CLK3: variants seen among roughly 807,000 people sequenced by gnomAD.
The protein encoded by CLK3 is dual specificity protein kinase CLK3.
In CLK3, 24 loss-of-function variants were observed where a neutral mutation model predicts 65.2. The ratio of observed to expected loss-of-function variants is 0.37; its 90% CI spans 0.27 to 0.52. The LOEUF (loss-of-function observed/expected upper bound fraction) is 0.52, where lower values mean the gene tolerates loss of function less well. Among genes scored for constraint, CLK3 ranks in the 20% least tolerant of loss-of-function variants. CLK3 has a pLI of 0.92. For missense variants in CLK3, 506 were observed against 660.0 expected (o/e 0.77, Z 2.56); for synonymous variants, 252 against 240.8 (o/e 1.05, Z -0.43).
chr15:74,622,983 G>C lies in CLK3; in HGVS notation c.533+423G>C, dbSNP rs2062115383. Among the ~76,000 whole-genome samples the C allele has an allele frequency of 6.6e-6, 1 of 152,196 alleles. No individual in the cohort carries two copies. Among genetic ancestry groups the C allele is most frequent in the Admixed American group, 6.5e-5 (1 of 15,284 alleles). The stretch of plus-strand genomic sequence containing the variant: ...CATAAGTCCCATTCCCTGAGGGTCT[G>C]CCTGAGAGGCTGTGCAGATCTCAGT... On this transcript the variant is annotated intron_variant, in intron 5 of 12. Coordinates refer to ENST00000395066, the MANE Select transcript of CLK3 (RefSeq NM_001130028.2). The surrounding 1 kb of genome is among the most constrained non-coding windows in gnomAD (Gnocchi z 4.6).
chr15:74,616,348 G>C (rs1489190409), intron 1 of CLK3, among the ~76,000 whole-genome samples: 3 of 152,262 alleles, frequency 2.0e-5, no homozygotes, highest in Non-Finnish European at 4.4e-5. Flanking sequence ...CGCCACTGGT[G>C]GCGGTTACAG....
Position 74,625,795 on chromosome 15 carries a change from C to T in CLK3, c.651-7C>T, listed in dbSNP as rs992872372. The T allele has an allele frequency of 7.4e-6, 12 of 1,614,126 alleles. No homozygotes were observed. In the East Asian group the frequency reaches 8.9e-5, roughly 12 times the overall value. On this transcript the variant is annotated splice_region_variant and splice_polypyrimidine_tract_variant and intron_variant, in intron 6 of 12. Transcript: ENST00000395066. The stretch of plus-strand genomic sequence containing the variant: ...CAGCCTGAGCCCTGCCCATCCTCCT[C>T]CTCCAGCCTGTGTGTCTTGATGTCT...
Position 74,625,901 on chromosome 15 carries a change from T to C in CLK3, c.750T>C (p.Asn250=). ...ACACCTTTGAGTTCCTGAAGGAGAA[T>C]AACTTCCAGCCTTACCCCCTACCAC... The part of the protein sequence containing the change: ...GKNTFEFLKE[N]NFQPYPLPHV... Residue 250 remains asparagine (N), a synonymous_variant, in exon 7 of 13, where the codon AAT becomes AAC. Coordinates refer to ENST00000395066, the MANE Select transcript of CLK3 (RefSeq NM_001130028.2). The C allele has an allele frequency of 2.5e-6, 4 of 1,614,168 alleles. No individual in the cohort carries two copies. The highest frequency in any genetic ancestry group is 3.4e-6 in the Non-Finnish European group (4 of 1,180,026).
Position 74,627,413 on chromosome 15 carries a change from TTC to T in CLK3, c.881_882del (p.Ser294Ter). 1 of 1,614,188 alleles carries T rather than the reference TTC, an allele frequency of 6.2e-7. No homozygotes were observed. The highest frequency in any genetic ancestry group is 8.5e-7 in the Non-Finnish European group (1 of 1,180,030). On this transcript the variant is annotated frameshift_variant, in exon 8 of 13. Transcript: ENST00000395066. LOFTEE classifies it high-confidence loss of function. The surrounding 1 kb of genome is among the most constrained non-coding windows in gnomAD (Gnocchi z 4.3). ...LKPENILFVN[S>X]EFETLYNEHK... is the part of the protein sequence containing the mutation. Reference sequence around the variant, plus strand: ...AACCAGAGAACATCCTGTTTGTGAATTCTGAGTTTGAAACCCTCTACAATGAG... The same window carrying T: ...AACCAGAGAACATCCTGTTTGTGAATTGAGTTTGAAACCCTCTACAATGAG...
Position 74,624,729 on chromosome 15 carries a change from G to C in CLK3, c.534-173G>C. On this transcript the variant is annotated intron_variant, in intron 5 of 12. Coordinates refer to ENST00000395066, the MANE Select transcript of CLK3 (RefSeq NM_001130028.2). This position sits in a 1 kb window ranked among gnomAD's most constrained non-coding sequence, Gnocchi z 4.2. ...ACAGATCTCAGGGAGCTTGCTGTTG[G>C]GTGGGCAAAGGTCTGGTGTTGCATG... The C allele has an allele frequency of 6.6e-6, 4 of 610,632 alleles. No homozygotes were observed. Among genetic ancestry groups the C allele is most frequent in the Non-Finnish European group, 3.0e-6 (1 of 334,644 alleles). 37.8% of individuals were successfully genotyped at this position (610,632 alleles called of 1,614,324 possible). A position where few individuals can be genotyped will look rare whatever the true frequency, so the allele number is the denominator to read the frequency against.
chr15:74,618,527 AAGTT>A (rs1308227045), intron 1 of CLK3, among the ~76,000 whole-genome samples: 1 of 152,148 alleles, frequency 6.6e-6, no homozygotes, highest in Non-Finnish European at 1.5e-5. Flanking sequence ...TCTGGAAAGA[AAGTT>A]AGATGCGCTG....
chr15:74,619,586 C>T (rs562868343), intron 2 of CLK3, among the ~76,000 whole-genome samples: 1 of 152,170 alleles, frequency 6.6e-6, no homozygotes, highest in Non-Finnish European at 1.5e-5. Flanking sequence ...CACACATTCC[C>T]CCATTTTCTA....
At chr15:74,610,251 T>C (rs1490163067) in intron 1 of CLK3, among the ~76,000 whole-genome samples, 1 of 152,228 alleles carries the variant, frequency 6.6e-6, no homozygotes, top group African/African-American at 2.4e-5. Context: ...GAAGGGATGG[T>C]CTGCCTGTTC....
intron 6 of CLK3, among the ~76,000 whole-genome samples, chr15:74,625,546 G>A (rs1033436656): frequency 1.3e-5 from 2 of 152,144 alleles, no homozygotes; most frequent in African/African-American, 4.8e-5. Flanking sequence ...AAGCTCGGAG[G>A]GCTTGGACCA....
upstream of CLK3, chr15:74,613,399 G>A (rs2062016143): frequency 1.3e-5 from 2 of 152,254 alleles, no homozygotes; most frequent in Non-Finnish European, 2.9e-5. Flanking sequence ...GGGAGTGGAG[G>A]AGTTACCCAA....
rs2141552086 is a variant in CLK3, at chr15:74,627,772, CAG to C, written c.1042+107_1042+108del. 1.3e-6 allele frequency: 2 copies of C among 1,504,602 alleles called. No individual in the cohort carries two copies. Among genetic ancestry groups the C allele is most frequent in the African/African-American group, 2.7e-5 (2 of 73,042 alleles). 93.2% of individuals were successfully genotyped at this position (1,504,602 alleles called of 1,614,324 possible). The stretch of plus-strand genomic sequence containing the variant: ...GTCATTCTCTGCCACCCAGGGCAGG[CAG>C]AGTTTCTCAGACCAAGGGGCCAGTG... On this transcript the variant is annotated intron_variant, in intron 9 of 12. Coordinates refer to ENST00000395066, the MANE Select transcript of CLK3 (RefSeq NM_001130028.2). This position sits in a 1 kb window ranked among gnomAD's most constrained non-coding sequence, Gnocchi z 4.3.
Position 74,626,330 on chromosome 15 carries a change from A to G in CLK3, c.817+362A>G, listed in dbSNP as rs138466374. Among the ~76,000 whole-genome samples, 97 of 152,334 alleles carry G rather than the reference A, an allele frequency of 6.4e-4. 1 individual carries two copies. Among genetic ancestry groups the G allele is most frequent in the African/African-American group, 2.3e-3 (95 of 41,584 alleles). ...AGATAGCACCACAGGTCCTGCCCAC[A>G]TGGAGACCCTCGGTCTAACCCTGAC... is the stretch of plus-strand genomic sequence containing the variant. On this transcript the variant is annotated intron_variant, in intron 7 of 12. Transcript: ENST00000395066.
At chr15:74,615,742 T>G, upstream of CLK3, 1 of 1,238,638 alleles carries the variant, frequency 8.1e-7, no homozygotes, top group Non-Finnish European at 1.0e-6. Flanking sequence ...AGTCGGGGGC[T>G]AGAGCGGCCA....
chr15:74,621,885 G>A lies in CLK3; in HGVS notation c.370-235G>A. 1.7e-6 allele frequency: 1 copy of A among 571,646 alleles called. No homozygotes were observed. The highest frequency in any genetic ancestry group is 1.6e-5 in the South Asian group (1 of 62,048). The allele number at this position is 571,646 out of a possible 1,614,324, so 35.4% of individuals were successfully genotyped here. On this transcript the variant is annotated intron_variant, in intron 3 of 12. Coordinates refer to ENST00000395066, the MANE Select transcript of CLK3 (RefSeq NM_001130028.2). The surrounding 1 kb of genome is among the most constrained non-coding windows in gnomAD (Gnocchi z 4.8). ...GAGTTTTCTTTACATACCTGTAGCTGTTTTTACTTTTCTGTTTTTGAAGTC... is the reference window on the plus strand; with the variant it reads ...GAGTTTTCTTTACATACCTGTAGCTATTTTTACTTTTCTGTTTTTGAAGTC...
At position 74,610,393 on chromosome 15, in the gene CLK3, G is replaced by A. The variant is rs370619583; in HGVS notation, c.-1+1967G>A. On this transcript the variant is annotated intron_variant, in intron 1 of 12. Coordinates refer to the CLK3 transcript ENST00000345005. ...CCTCTCCTGCTCCAGGCAGGCCAGG[G>A]AGCACTCCACCTGCTAGGAGGAGGC... Among the ~76,000 whole-genome samples, 15 of 152,218 alleles carry A rather than the reference G, an allele frequency of 9.9e-5. No homozygotes were observed. The East Asian group carries it at 1.9e-3, about 20-fold the overall frequency.
In CLK3 at chr15:74,622,436, A is replaced by T. The variant is rs2062111049; in HGVS notation, c.467-58A>T. The T allele has an allele frequency of 7.5e-7, 1 of 1,335,836 alleles. No homozygotes were observed. The highest frequency in any genetic ancestry group is 1.1e-6 in the Non-Finnish European group (1 of 948,596). The allele number at this position is 1,335,836 out of a possible 1,614,324, so 82.7% of individuals were successfully genotyped here. On this transcript the variant is annotated intron_variant, in intron 4 of 12. Coordinates refer to ENST00000395066, the MANE Select transcript of CLK3 (RefSeq NM_001130028.2). The surrounding 1 kb of genome is among the most constrained non-coding windows in gnomAD (Gnocchi z 4.6). ...GAGAATTTGAATGCTGTGAACTTGC[A>T]GGAGCTGCCAACCCCCTGCCCTCCA...
chr15:74,619,275 A>C lies in CLK3; in HGVS notation c.79A>C (p.Ser27Arg). Reference sequence around the variant, plus strand: ...CCGATGGAAGAGGAGGAGGTCCTACAGTCGGGAACATGAAGGGAGACTGCG... The same window carrying C: ...CCGATGGAAGAGGAGGAGGTCCTACCGTCGGGAACATGAAGGGAGACTGCG... ...SYRWKRRRSY[S>R]REHEGRLRYP... is the part of the protein sequence containing the mutation. Residue 27 changes from serine (S) to arginine (R), a missense_variant, in exon 2 of 13, where the codon AGT becomes CGT. Physicochemically the swap from Ser to Arg is moderately radical, Grantham distance 110. Transcript: ENST00000395066. The C allele has an allele frequency of 6.2e-7, 1 of 1,614,188 alleles. No individual in the cohort carries two copies. Among genetic ancestry groups the C allele is most frequent in the Non-Finnish European group, 8.5e-7 (1 of 1,180,010 alleles).
intron 6 of CLK3, 21 bp downstream of exon 6, chr15:74,625,039 G>A: frequency 6.3e-7 from 1 of 1,580,060 alleles, no homozygotes; most frequent in Non-Finnish European, 8.7e-7. Flanking sequence ...GCAAGGAGTG[G>A]GAGGGAAGCC....
At position 74,630,127 on chromosome 15, in the gene CLK3, A is replaced by G. The variant is rs1596293499; in HGVS notation, c.*244A>G. The G allele has an allele frequency of 6.5e-6, 3 of 462,128 alleles. No individual in the cohort carries two copies. Among genetic ancestry groups the G allele is most frequent in the South Asian group, 7.9e-5 (2 of 25,354 alleles). 28.6% of individuals were successfully genotyped at this position (462,128 alleles called of 1,614,324 possible). On this transcript the variant is annotated 3_prime_UTR_variant, in exon 13 of 13. Transcript: ENST00000395066. ...TTTCTTACTGTTTGTAACCCCTGGT[A>G]CCAGTGTGTCCATCTCCAGGCTCCT...
Sources: allele counts gnomAD v4.1 joint callset (sites outside exome capture counted in the v4.1 genomes callset), GRCh38; gene constraint gnomAD v4.1.1; non-coding constraint Gnocchi (gnomAD v3.1); transcripts MANE v1.5; gene names NCBI Gene and HGNC (gene_info 2026-07-23, HGNC 2026-07-21).